Variants in XKR4 observed in about 807,000 individuals in gnomAD.
XKR4 encodes XK related 4.
XKR4 carries 12 observed loss-of-function variants against 53.9 expected under a neutral mutation model. That is an observed-to-expected ratio of 0.22 (90% CI 0.14 to 0.36). The LOEUF (loss-of-function observed/expected upper bound fraction) is 0.36. XKR4 is among the 10% of genes least tolerant of loss of function. The pLI is 1.00. For synonymous variants in XKR4, 354 were observed against 362.4 expected, an observed-to-expected ratio of 0.98 and a Z score of 0.26; for missense variants, 799 against 859.5, an observed-to-expected ratio of 0.93 and a Z score of 0.88.
At chr8:55,304,346 G>A (rs28886302) in intron 1 of XKR4, among the ~76,000 whole-genome samples, 97,275 of 152,026 alleles carry the variant, frequency 0.64, 33,320 homozygotes, top group African/African-American at 0.89. Flanking sequence ...GTTTGATTGC[G>A]CTGTGGTCTG....
In XKR4 at chr8:55,102,777, T is replaced by A. The variant is rs1282039740; in HGVS notation, c.289T>A (p.Cys97Ser). Residue 97 changes from cysteine to serine, a missense_variant, in exon 1 of 3, where the codon TGC (cysteine) becomes AGC (serine). Physicochemically the swap from Cys to Ser is moderately radical, Grantham distance 112 (BLOSUM62 -1). This residue lies in a region of XKR4 where 476 missense variants were observed against 505.4 expected (regional missense o/e 0.94). Transcript: ENST00000327381. The surrounding 1 kb of genome is among the most constrained non-coding windows in gnomAD (Gnocchi z 5.1). The stretch of plus-strand genomic sequence containing the variant: ...CGGCGGGGCGGGCTCGGCTGCGCTG[T>A]GCCTGCGCCTGGGCAGGGAGCAGCG... The part of the protein sequence containing the change: ...GGGGAGSAAL[C>S]LRLGREQRRY... 1.9e-6 allele frequency: 3 copies of A among 1,566,420 alleles called. No homozygotes were observed. In the Admixed American group the frequency reaches 5.4e-5, roughly 28 times the overall value.
At chr8:55,514,276 G>A (rs1806678866) in intron 2 of XKR4, among the ~76,000 whole-genome samples, 1 of 141,238 alleles carries the variant, frequency 7.1e-6, no homozygotes, top group Admixed American at 7.3e-5. Context: ...TTTTGAGAAG[G>A]AGTCTCACTC....
At chr8:55,464,676 G>A (rs932996912) in intron 2 of XKR4, among the ~76,000 whole-genome samples, 3 of 152,082 alleles carry the variant, frequency 2.0e-5, no homozygotes, top group Admixed American at 6.5e-5. Flanking sequence ...TATTCAATTA[G>A]GAAAAGAGGA....
intron 1 of XKR4, among the ~76,000 whole-genome samples, chr8:55,303,591 C>T (rs992875974): frequency 6.6e-6 from 1 of 152,132 alleles, no homozygotes; most frequent in African/African-American, 2.4e-5. Flanking sequence ...CCTCGTTGTA[C>T]CTCTGGTAGA....
intron 2 of XKR4, among the ~76,000 whole-genome samples, chr8:55,520,135 T>C (rs1806778427): frequency 6.6e-6 from 1 of 152,224 alleles, no homozygotes; most frequent in African/African-American, 2.4e-5. Context: ...ACTGAGCTCG[T>C]ATTATTTGTA....
rs1806138616 is a variant in XKR4, at chr8:55,483,189, G to C, written c.1007-40092G>C. Among the ~76,000 whole-genome samples, 4 of 152,074 alleles carry C rather than the reference G, an allele frequency of 2.6e-5. No homozygotes were observed. In the South Asian group the frequency reaches 8.3e-4, roughly 31 times the overall value. On this transcript the variant is annotated intron_variant, in intron 2 of 2. Coordinates refer to ENST00000327381, the MANE Select transcript of XKR4 (RefSeq NM_052898.2). ...GACATTAATCTGATCAATTTTTTCA[G>C]ACCACATCTTTCACCCAGCATCATC...
chr8:55,344,814 G>C (rs1236141888), intron 1 of XKR4, among the ~76,000 whole-genome samples: 1 of 152,194 alleles, frequency 6.6e-6, no homozygotes, highest in African/African-American at 2.4e-5. Context: ...TTATTTAATA[G>C]AGAAAAAACT....
intron 2 of XKR4, among the ~76,000 whole-genome samples, chr8:55,424,711 A>C (rs1414600574): frequency 1.3e-5 from 2 of 152,204 alleles, no homozygotes; most frequent in African/African-American, 4.8e-5. Context: ...TCTTCTATTC[A>C]CTGCCAAATT....
chr8:55,450,765 T>A (rs2929052), intron 2 of XKR4: 419,234 of 557,682 alleles, frequency 0.75, 159,234 homozygotes, highest in African/African-American at 0.92. Flanking sequence ...CCTCCAGCGT[T>A]CAGTAGAAGG....
At chr8:55,187,568 C>T (rs1055711707) in intron 1 of XKR4, among the ~76,000 whole-genome samples, 5 of 152,280 alleles carry the variant, frequency 3.3e-5, no homozygotes, top group African/African-American at 1.2e-4. Context: ...TTTTAACTGG[C>T]ACAATGTGAC....
intron 2 of XKR4, among the ~76,000 whole-genome samples, chr8:55,383,148 A>G (rs2658894): frequency 0.68 from 103,289 of 152,140 alleles, 36,053 homozygotes; most frequent in African/African-American, 0.85. Flanking sequence ...GGGAGGCAGA[A>G]GTTGCAGTAA....
At chr8:55,215,913 AT>A (rs1817790419) in intron 1 of XKR4, among the ~76,000 whole-genome samples, 1 of 152,194 alleles carries the variant, frequency 6.6e-6, no homozygotes, top group East Asian at 1.9e-4. Flanking sequence ...AATGATGGCG[AT>A]TGAAAAGAAA....
chr8:55,193,838 A>T (rs1351064549), intron 1 of XKR4, among the ~76,000 whole-genome samples: 1 of 152,148 alleles, frequency 6.6e-6, no homozygotes, highest in African/African-American at 2.4e-5. Flanking sequence ...TGGGTATGAG[A>T]TGGCTGAGGA....
chr8:55,368,488 G>T (rs1804025978), intron 2 of XKR4, among the ~76,000 whole-genome samples: 3 of 152,164 alleles, frequency 2.0e-5, no homozygotes, highest in Middle Eastern at 3.4e-3. Flanking sequence ...GCATTTGCTG[G>T]ACCATTGCCC....
At chr8:55,312,801 C>A (rs965015565) in intron 1 of XKR4, among the ~76,000 whole-genome samples, 2 of 152,072 alleles carry the variant, frequency 1.3e-5, no homozygotes, top group Non-Finnish European at 2.9e-5. Flanking sequence ...TCACTAGAAT[C>A]CAAAGACAGC....
At chr8:55,257,471 A>G (rs988513599) in intron 1 of XKR4, among the ~76,000 whole-genome samples, 3 of 151,970 alleles carry the variant, frequency 2.0e-5, no homozygotes, top group Non-Finnish European at 4.4e-5. Context: ...AGAGAAAGAG[A>G]GAGAAAGGGC....
In XKR4 at chr8:55,291,149, A is replaced by G. The variant is rs368398862; in HGVS notation, c.807-66529A>G. Among the ~76,000 whole-genome samples the G allele has an allele frequency of 5.8e-4, 88 of 152,216 alleles. 1 individual carries two copies. The South Asian group carries it at 0.018, about 31-fold the overall frequency. ...ATTTTTCCTCTGTTGGATTTCTTTT[A>G]TATCTTTGTCAAAAATCAGTTGGTG... On this transcript the variant is annotated intron_variant, in intron 1 of 2. Coordinates refer to ENST00000327381, the MANE Select transcript of XKR4 (RefSeq NM_052898.2).
chr8:55,172,765 C>T (rs1268299918), intron 1 of XKR4, among the ~76,000 whole-genome samples: 1 of 152,192 alleles, frequency 6.6e-6, no homozygotes, highest in East Asian at 1.9e-4. Flanking sequence ...GACACATTTT[C>T]AGATGTCTGC....
chr8:55,372,543 A>G (rs1199254269), intron 2 of XKR4, among the ~76,000 whole-genome samples: 2 of 148,982 alleles, frequency 1.3e-5, no homozygotes, highest in Non-Finnish European at 1.5e-5. Context: ...ACTTTCCCAG[A>G]TAGCTTTTTT....
Sources: gnomAD v4.1 joint callset for allele counts (sites outside exome capture counted in the v4.1 genomes callset) on GRCh38, gnomAD v4.1.1 for gene constraint, gnomAD v4.1.1 regional missense constraint, Gnocchi (gnomAD v3.1) non-coding constraint, MANE v1.5 for transcripts, NCBI Gene and HGNC (gene_info 2026-07-23, HGNC 2026-07-21) for gene names.